Variants in ABCA12 observed in about 807,000 individuals in gnomAD.
The protein encoded by ABCA12 is glucosylceramide transporter ABCA12.
In ABCA12, 156 loss-of-function variants were observed where a neutral mutation model predicts 293.5. The observed-to-expected ratio is 0.53, with a 90% CI of 0.47 to 0.61. ABCA12 has a LOEUF of 0.61. Among genes scored for constraint, ABCA12 ranks in the 20% least tolerant of loss-of-function variants. The probability of loss-of-function intolerance (pLI) is 0.00; values close to 1 mark genes in which losing one functional copy is unlikely to be tolerated. For missense variants in ABCA12, 2,797 were observed against 3,090.2 expected, an observed-to-expected ratio of 0.91 and a Z score of 2.25; for synonymous variants, 1,063 against 1,108.0, an observed-to-expected ratio of 0.96 and a Z score of 0.81.
intron 39 of ABCA12, among the ~76,000 whole-genome samples, 186 bp from the exon 40 acceptor site, chr2:214,959,264 C>T: frequency 6.6e-6 from 1 of 151,718 alleles, no homozygotes. Flanking sequence ...CAATTGGTGG[C>T]ACTCACATAA....
chr2:215,134,632 G>GATAT (rs1703169007), intron 1 of ABCA12, among the ~76,000 whole-genome samples: 1 of 125,492 alleles, frequency 8.0e-6, no homozygotes, highest in African/African-American at 3.7e-5. Context: ...GAGAGAGAGA[G>GATAT]AGAGAGAGAC....
chr2:215,043,066 G>C (rs945444637), intron 7 of ABCA12, among the ~76,000 whole-genome samples: 2 of 151,572 alleles, frequency 1.3e-5, no homozygotes, highest in African/African-American at 2.4e-5. Context: ...CTGTATCCCT[G>C]CCAGCATCTG....
chr2:215,012,618 G>A (rs1444279299), intron 15 of ABCA12, among the ~76,000 whole-genome samples: 5 of 152,134 alleles, frequency 3.3e-5, no homozygotes, highest in African/African-American at 1.2e-4. Context: ...TAGATTAGAA[G>A]TTGCTTGGGC....
intron 35 of ABCA12, 65 bp from the exon 36 acceptor site, chr2:214,974,107 G>T (rs868483439): frequency 2.2e-6 from 3 of 1,363,756 alleles, no homozygotes; most frequent in Middle Eastern, 3.6e-4. Context: ...TTACATATGA[G>T]CATGTAAACA....
At chr2:214,983,373 T>A (rs140930083) in intron 29 of ABCA12, among the ~76,000 whole-genome samples, 75 of 152,204 alleles carry the variant, frequency 4.9e-4, no homozygotes, top group African/African-American at 1.6e-3. Context: ...TTAGGAGGCT[T>A]GGACCAGGGT....
chr2:215,133,997 G>T (rs969754537), intron 1 of ABCA12, among the ~76,000 whole-genome samples: 1 of 151,860 alleles, frequency 6.6e-6, no homozygotes, highest in South Asian at 2.1e-4. Flanking sequence ...CTAGGACCCT[G>T]TAAAATTAAG....
intron 38 of ABCA12, among the ~76,000 whole-genome samples, chr2:214,967,455 C>T (rs533931169): frequency 2.6e-5 from 4 of 152,178 alleles, no homozygotes; most frequent in East Asian, 3.9e-4. Flanking sequence ...CCAAATGGGG[C>T]GCGATTTTAC....
At chr2:215,065,423 T>C (rs1372025229) in intron 2 of ABCA12, among the ~76,000 whole-genome samples, 1 of 149,976 alleles carries the variant, frequency 6.7e-6, no homozygotes, top group Non-Finnish European at 1.5e-5. Context: ...AACATGGCCA[T>C]GCATTAATCT....
intron 23 of ABCA12, among the ~76,000 whole-genome samples, chr2:214,994,966 AAT>A (rs1323011068): frequency 6.6e-6 from 1 of 152,236 alleles, no homozygotes; most frequent in Non-Finnish European, 1.5e-5. Flanking sequence ...CCATGAAAAT[AAT>A]GAGAAAAAAT....
Position 215,011,439 on chromosome 2 carries a change from T to C in ABCA12, c.2332A>G (p.Thr778Ala), listed in dbSNP as rs1300422214. ...ASKYGIPINS[T>A]PFCFSLYKDI... is the part of the protein sequence containing the mutation. ...CATGCTTATTTTAAAGTATACTCAC[T>C]GGAATTTATGGGAATTCCATATTTT... The change falls in exon 17 of 53, where the codon ACA (threonine) becomes GCA (alanine). Residue 778 changes from threonine (T) to alanine (A), a missense_variant and splice_region_variant. By Grantham distance (58) the Thr-to-Ala change is moderately conservative. Around this residue, in one of 3 missense-constraint regions of ABCA12, gnomAD observed 2,130 missense variants for 2,427.0 expected, o/e 0.88. Coordinates refer to ENST00000272895, the MANE Select transcript of ABCA12 (RefSeq NM_173076.3). 9 of 1,595,254 alleles carry C rather than the reference T, an allele frequency of 5.6e-6. No individual in the cohort carries two copies. The highest frequency in any genetic ancestry group is 5.4e-5 in the African/African-American group (4 of 74,398).
intron 45 of ABCA12, among the ~76,000 whole-genome samples, chr2:214,949,373 T>TAC (rs1243088387): frequency 9.4e-4 from 137 of 145,682 alleles, no homozygotes; most frequent in Middle Eastern, 3.5e-3. Context: ...TATATATATA[T>TAC]ATATACACAC....
chr2:214,968,832 C>A (rs1354537449), intron 37 of ABCA12, 25 bp from the exon 38 acceptor site: 1 of 1,602,660 alleles, frequency 6.2e-7, no homozygotes, highest in Non-Finnish European at 8.5e-7. Context: ...AAAAATATAT[C>A]TTTGGTTTAG....
At position 215,045,974 on chromosome 2, in the gene ABCA12, T is replaced by C; in HGVS notation, c.735A>G (p.Glu245=). The change falls in exon 7 of 53, where the codon GAA becomes GAG. Residue 245 remains glutamate, a synonymous_variant. Coordinates refer to ENST00000272895, the MANE Select transcript of ABCA12 (RefSeq NM_173076.3). The part of the protein sequence containing the change: ...DPNNQKIVFQ[E]IVRMLSFFSQ... ...AGAAGAAAGACAGCATTCTGACTAT[T>C]TCCTGAAACACTATCTTCTGATTGT... 1 of 1,613,756 alleles carries C rather than the reference T, an allele frequency of 6.2e-7. No homozygotes were observed. The highest frequency in any genetic ancestry group is 2.2e-5 in the East Asian group (1 of 44,848).
At chr2:214,989,205 T>C (rs1436998583) in intron 26 of ABCA12, 124 bp downstream of exon 26, 1 of 156,348 alleles carries the variant, frequency 6.4e-6, no homozygotes, top group Non-Finnish European at 1.3e-5. Flanking sequence ...TATATATATA[T>C]ATATAATATT....
intron 2 of ABCA12, among the ~76,000 whole-genome samples, chr2:215,065,781 A>G (rs1014125389): frequency 6.6e-6 from 1 of 152,114 alleles, no homozygotes; most frequent in Admixed American, 6.6e-5. Context: ...CTGTAAAATA[A>G]TAAGTTTGTG....
chr2:215,099,297 C>T (rs957811131), intron 2 of ABCA12, among the ~76,000 whole-genome samples: 20 of 152,234 alleles, frequency 1.3e-4, no homozygotes, highest in African/African-American at 4.8e-4. Context: ...AACAGATCTT[C>T]CAGCCCTACT....
chr2:215,013,838 A>C (rs1227173498), intron 15 of ABCA12, among the ~76,000 whole-genome samples: 1 of 151,672 alleles, frequency 6.6e-6, no homozygotes, highest in Non-Finnish European at 1.5e-5. Context: ...TTCAGTGAAC[A>C]AAGAGGCCCT....
Position 214,982,375 on chromosome 2 carries a change from T to A in ABCA12, c.4391A>T (p.Lys1464Ile). The change falls in exon 30 of 53, where the codon AAA (lysine) becomes ATA (isoleucine). Residue 1464 changes from lysine (K) to isoleucine (I), a missense_variant. Coordinates refer to ENST00000272895, the MANE Select transcript of ABCA12 (RefSeq NM_173076.3). ...ACGATGGCTATATAGTCCAGTATCT[T>A]TTAAAGTCCTTCAAAAATAATGTAT... ...QLHEEVKRTL[K>I]DTGLYSHRHK... 2 of 1,613,618 alleles carry A rather than the reference T, an allele frequency of 1.2e-6. No homozygotes were observed. Among genetic ancestry groups the A allele is most frequent in the African/African-American group, 2.7e-5 (2 of 75,040 alleles).
chr2:214,937,202 TTTG>T (rs1698247214), intron 51 of ABCA12, among the ~76,000 whole-genome samples: 2 of 152,054 alleles, frequency 1.3e-5, no homozygotes, highest in Admixed American at 6.6e-5. Context: ...TGTTTTTGTT[TTTG>T]TTTTTGTTTT....
Sources: allele counts gnomAD v4.1 joint callset (sites outside exome capture counted in the v4.1 genomes callset), GRCh38; gene constraint gnomAD v4.1.1; regional missense constraint gnomAD v4.1.1; transcripts MANE v1.5; gene names NCBI Gene and HGNC (gene_info 2026-07-23, HGNC 2026-07-21).